Variants in SDK1 observed in about 807,000 individuals in gnomAD.
The protein encoded by SDK1 is protein sidekick-1.
Under a neutral mutation model 245.5 loss-of-function variants are expected in SDK1, and 157 were observed. The observed-to-expected ratio is 0.64, with a 90% CI of 0.56 to 0.73. The LOEUF is 0.73. Ranked by LOEUF, SDK1 falls within the 30% of genes least tolerant of loss-of-function variation. SDK1 has a pLI of 0.00. For missense variants in SDK1, 3,583 were observed against 3,002.3 expected, an observed-to-expected ratio of 1.19 and a Z score of -4.52; for synonymous variants, 1,647 against 1,278.5, an observed-to-expected ratio of 1.29 and a Z score of -6.15.
At position 3,690,949 on chromosome 7, in the gene SDK1, C is replaced by T. The variant is rs1015204665; in HGVS notation, c.713+48844C>T. Among the ~76,000 whole-genome samples the T allele has an allele frequency of 3.9e-5, 6 of 152,288 alleles. No homozygotes were observed. In the East Asian group the frequency reaches 1.2e-3, roughly 29 times the overall value. On this transcript the variant is annotated intron_variant, in intron 4 of 44. Transcript: ENST00000404826. ...TAGGCATTCACTGGGCTAATGTTTC[C>T]TTCCAGGACTCTGTGACCTTCTAGA... is the stretch of plus-strand genomic sequence containing the variant.
chr7:3,851,872 T>G (rs1203687390), intron 5 of SDK1, among the ~76,000 whole-genome samples: 2 of 152,200 alleles, frequency 1.3e-5, no homozygotes, highest in African/African-American at 4.8e-5. Flanking sequence ...GATCTATAAA[T>G]AAAATGGTAT....
At chr7:3,753,830 A>G (rs1349642972) in intron 4 of SDK1, among the ~76,000 whole-genome samples, 2 of 152,230 alleles carry the variant, frequency 1.3e-5, no homozygotes, top group Non-Finnish European at 2.9e-5. Context: ...GCTAGAATTG[A>G]ATACTTGGTA....
chr7:3,825,604 C>A (rs968934813), intron 5 of SDK1, among the ~76,000 whole-genome samples: 2 of 152,220 alleles, frequency 1.3e-5, no homozygotes, highest in African/African-American at 4.8e-5. Context: ...CTCCTTCAGG[C>A]TGACAAACCC....
intron 1 of SDK1, among the ~76,000 whole-genome samples, chr7:3,617,555 T>C (rs1246531433): frequency 1.3e-5 from 2 of 152,178 alleles, no homozygotes; most frequent in African/African-American, 4.8e-5. Context: ...TCAAAAATGA[T>C]GGAAGTATAT....
chr7:3,723,961 G>T lies in SDK1; in HGVS notation c.713+81856G>T, dbSNP rs1286940557. Among the ~76,000 whole-genome samples the T allele has an allele frequency of 4.7e-5, 7 of 149,694 alleles. No individual in the cohort carries two copies. The East Asian group carries it at 8.0e-4, about 17-fold the overall frequency. On this transcript the variant is annotated intron_variant, in intron 4 of 44. Transcript: ENST00000404826. Reference sequence around the variant, plus strand: ...ATATATATAGAGAGAGAGAGAGAGAGAGAGAGAGAGAGAGAGAAAGAGAGA... The same window carrying T: ...ATATATATAGAGAGAGAGAGAGAGATAGAGAGAGAGAGAGAGAAAGAGAGA...
chr7:3,995,065 G>A (rs1784600472), intron 14 of SDK1, among the ~76,000 whole-genome samples: 1 of 152,126 alleles, frequency 6.6e-6, no homozygotes, highest in African/African-American at 2.4e-5. Flanking sequence ...CCCTGAAGAG[G>A]GGATTCTAGG....
At chr7:4,250,837 C>T (rs774632873) in intron 44 of SDK1, among the ~76,000 whole-genome samples, 15 of 152,100 alleles carry the variant, frequency 9.9e-5, no homozygotes, top group African/African-American at 3.1e-4. Context: ...TTAGAATATA[C>T]GATTCAATGG....
chr7:4,034,442 A>G (rs1026689766), intron 17 of SDK1, among the ~76,000 whole-genome samples: 1 of 152,202 alleles, frequency 6.6e-6, no homozygotes, highest in African/African-American at 2.4e-5. Context: ...TTTGGGGGTG[A>G]TGGGCCTCAT....
intron 5 of SDK1, among the ~76,000 whole-genome samples, chr7:3,930,479 T>C (rs1409238555): frequency 6.6e-6 from 1 of 152,166 alleles, no homozygotes; most frequent in African/African-American, 2.4e-5. Context: ...AGAATACCAG[T>C]AAAGCCAGAC....
intron 5 of SDK1, among the ~76,000 whole-genome samples, chr7:3,903,170 A>G (rs541311045): frequency 4.7e-5 from 7 of 148,494 alleles, no homozygotes; most frequent in Non-Finnish European, 1.0e-4. Context: ...TTTGAGACAG[A>G]CGAGACTCCG....
chr7:3,369,858 C>T (rs552383075), intron 1 of SDK1, among the ~76,000 whole-genome samples: 251 of 152,254 alleles, frequency 1.6e-3, no homozygotes, highest in African/African-American at 5.9e-3. Context: ...TGCAGTGTTT[C>T]ACTTAAGAAA....
intron 12 of SDK1, among the ~76,000 whole-genome samples, chr7:3,973,605 CTG>C (rs1389700321): frequency 1.3e-5 from 2 of 151,876 alleles, no homozygotes; most frequent in African/African-American, 2.4e-5. Flanking sequence ...CAATTCCACT[CTG>C]TAGATTTTTT....
intron 1 of SDK1, among the ~76,000 whole-genome samples, chr7:3,512,133 A>G (rs910620202): frequency 6.6e-6 from 1 of 151,564 alleles, no homozygotes; most frequent in African/African-American, 2.4e-5. Context: ...TCTTCCCTCT[A>G]ACCCCTGGCA....
At chr7:4,189,574 G>A (rs1406010240) in intron 35 of SDK1, among the ~76,000 whole-genome samples, 1 of 152,190 alleles carries the variant, frequency 6.6e-6, no homozygotes, top group Admixed American at 6.5e-5. Context: ...GGCCGGCCAG[G>A]CATGGTGGCT....
intron 44 of SDK1, among the ~76,000 whole-genome samples, chr7:4,256,883 C>T (rs1050542415): frequency 1.3e-5 from 2 of 152,176 alleles, no homozygotes; most frequent in African/African-American, 4.8e-5. Flanking sequence ...ATTTTTAAAC[C>T]ACTCTCAGAA....
chr7:3,753,335 G>T (rs1779828353), intron 4 of SDK1, among the ~76,000 whole-genome samples: 1 of 152,210 alleles, frequency 6.6e-6, no homozygotes, highest in Admixed American at 6.5e-5. Context: ...TCAAGAAAAA[G>T]CTAAAAACAT....
intron 28 of SDK1, among the ~76,000 whole-genome samples, chr7:4,142,192 T>C (rs1245754710): frequency 6.6e-6 from 1 of 152,224 alleles, no homozygotes; most frequent in African/African-American, 2.4e-5. Flanking sequence ...CTGTTTTTAA[T>C]GCAAACTTGA....
intron 4 of SDK1, among the ~76,000 whole-genome samples, chr7:3,668,539 G>A (rs1783604446): frequency 6.6e-6 from 1 of 152,198 alleles, no homozygotes; most frequent in South Asian, 2.1e-4. Context: ...ACTTTGGGAG[G>A]CCGAGGCAGG....
At chr7:3,360,904 ACAT>A (rs1362107946) in intron 1 of SDK1, among the ~76,000 whole-genome samples, 2 of 152,054 alleles carry the variant, frequency 1.3e-5, no homozygotes, top group Non-Finnish European at 2.9e-5. Flanking sequence ...GATGCATTTG[ACAT>A]CATATGGGTT....
Sources: allele counts gnomAD v4.1 joint callset (sites outside exome capture counted in the v4.1 genomes callset), GRCh38; gene constraint gnomAD v4.1.1; transcripts MANE v1.5; gene names NCBI Gene and HGNC (gene_info 2026-07-23, HGNC 2026-07-21).